L3MBTL4: variants seen among roughly 807,000 people sequenced by gnomAD.
L3MBTL4 encodes lethal(3)malignant brain tumor-like protein 4.
L3MBTL4 carries 70 observed loss-of-function variants against 84.5 expected under a neutral mutation model. The ratio of observed to expected loss-of-function variants is 0.83; its 90% CI spans 0.68 to 1.01. L3MBTL4 has a LOEUF of 1.01. Among genes scored for constraint, L3MBTL4 ranks in the 50% least tolerant of loss-of-function variants. L3MBTL4 has a pLI of 0.00. For missense variants in L3MBTL4, 715 were observed against 754.8 expected (o/e 0.95, Z 0.62); for synonymous variants, 274 against 259.8 (o/e 1.05, Z -0.52).
At chr18:6,109,721 C>A (rs961415205) in intron 14 of L3MBTL4, among the ~76,000 whole-genome samples, 2 of 152,144 alleles carry the variant, frequency 1.3e-5, no homozygotes, top group African/African-American at 2.4e-5. Context: ...CCAGAAGATG[C>A]CAGGAGGCCA....
At chr18:6,205,477 G>T (rs2045833095) in intron 12 of L3MBTL4, among the ~76,000 whole-genome samples, 1 of 152,152 alleles carries the variant, frequency 6.6e-6, no homozygotes. Context: ...TGTTGCATAG[G>T]TATACATGTG....
At position 6,121,685 on chromosome 18, in the gene L3MBTL4, CGTGTGT is replaced by C. The variant is rs762077935; in HGVS notation, c.1199+16503_1199+16508del. Among the ~76,000 whole-genome samples the C allele has an allele frequency of 5.1e-3, 727 of 142,918 alleles. 7 individuals carry two copies. Among genetic ancestry groups the C allele is most frequent in the African/African-American group, 0.017 (648 of 38,528 alleles). The allele number at this position is 142,918 out of a possible 152,430, so 93.8% of individuals were successfully genotyped here. ...ATCATAACAACTAGCATTGTTTCCC[CGTGTGT>C]GTGTGTGTGTGTGTGTGTGTGTGTG... On this transcript the variant is annotated intron_variant, in intron 14 of 18. Transcript: ENST00000317931.
chr18:5,972,571 A>G (rs1209293905), intron 16 of L3MBTL4, among the ~76,000 whole-genome samples: 1 of 152,202 alleles, frequency 6.6e-6, no homozygotes, highest in Non-Finnish European at 1.5e-5. Flanking sequence ...CTGATTCTAA[A>G]TTAACACAAC....
chr18:6,090,555 G>A (rs899040343), intron 15 of L3MBTL4, among the ~76,000 whole-genome samples: 5 of 149,064 alleles, frequency 3.4e-5, no homozygotes, highest in African/African-American at 1.2e-4. Flanking sequence ...CAAGAAGTCT[G>A]GATATATATA....
chr18:5,966,254 A>G (rs879258152), intron 17 of L3MBTL4, among the ~76,000 whole-genome samples: 3 of 152,130 alleles, frequency 2.0e-5, no homozygotes, highest in Non-Finnish European at 4.4e-5. Context: ...AGTGGTGTCT[A>G]TTCTTATTGC....
rs2046301570 is a variant in L3MBTL4 at position 6,215,818 on chromosome 18, T to G, written c.802A>C (p.Asn268His). ...IAPQGYPNPENFSWTEYLEAT... is the reference protein window; with the variant it reads ...IAPQGYPNPEHFSWTEYLEAT... The stretch of plus-strand genomic sequence containing the variant: ...TCCAGGTATTCTGTCCAGGAAAAAT[T>G]TTCTGGATTGGGATAACCTGAAAAT... The change falls in exon 11 of 19, where the codon AAT becomes CAT. Residue 268 changes from asparagine to histidine, a missense_variant. Transcript: ENST00000317931. 6.2e-7 allele frequency: 1 copy of G among 1,600,632 alleles called. No homozygotes were observed. Among genetic ancestry groups the G allele is most frequent in the East Asian group, 2.2e-5 (1 of 44,696 alleles).
At chr18:6,161,813 T>A (rs1176113875) in intron 13 of L3MBTL4, among the ~76,000 whole-genome samples, 1 of 152,142 alleles carries the variant, frequency 6.6e-6, no homozygotes, top group African/African-American at 2.4e-5. Context: ...TAGATTTCAT[T>A]TTTACTCATC....
At chr18:6,161,032 A>C (rs916714312) in intron 13 of L3MBTL4, among the ~76,000 whole-genome samples, 7 of 152,246 alleles carry the variant, frequency 4.6e-5, no homozygotes, top group Non-Finnish European at 8.8e-5. Context: ...TGACCAGAGC[A>C]GGCATGGTTT....
At chr18:6,353,283 A>C (rs2053285399) in intron 1 of L3MBTL4, among the ~76,000 whole-genome samples, 1 of 149,660 alleles carries the variant, frequency 6.7e-6, no homozygotes, top group Admixed American at 6.6e-5. Flanking sequence ...ATGAAAGCAA[A>C]AAAAAAAAAA....
rs113653738 is a variant in L3MBTL4 at position 6,218,809 on chromosome 18, G to A, written c.785-2974C>T. On this transcript the variant is annotated intron_variant, in intron 10 of 18. Coordinates refer to ENST00000317931, the MANE Select transcript of L3MBTL4 (RefSeq NM_001330559.2). ...CTTTCTTCCTTCCGACCCCAGCCCT[G>A]AGTCCTGGTAGACCTTGGGAAGCAA... Among the ~76,000 whole-genome samples, 850 of 152,292 alleles carry A rather than the reference G, an allele frequency of 5.6e-3. 10 individuals are homozygous for A. Among genetic ancestry groups the A allele is most frequent in the African/African-American group, 0.019 (802 of 41,552 alleles).
intron 5 of L3MBTL4, among the ~76,000 whole-genome samples, chr18:6,246,770 G>A (rs1261504552): frequency 6.6e-6 from 1 of 152,134 alleles, no homozygotes; most frequent in East Asian, 1.9e-4. Flanking sequence ...CAGGTGTGAT[G>A]GTGTGTGCCT....
intron 17 of L3MBTL4, among the ~76,000 whole-genome samples, chr18:5,961,390 C>A (rs546237745): frequency 2.1e-4 from 32 of 152,334 alleles, no homozygotes; most frequent in African/African-American, 6.7e-4. Context: ...GGCTGGACAC[C>A]TGTGCCCCCT....
chr18:6,186,803 T>C (rs1461758885), intron 12 of L3MBTL4, among the ~76,000 whole-genome samples: 3 of 152,056 alleles, frequency 2.0e-5, no homozygotes, highest in Non-Finnish European at 2.9e-5. Flanking sequence ...GCTTCCCAAG[T>C]GCTCTAGGCA....
intron 5 of L3MBTL4, among the ~76,000 whole-genome samples, chr18:6,257,645 C>CTTTTTTTTTTTTTTTTT (rs770563046): frequency 1.6e-5 from 2 of 127,498 alleles, no homozygotes; most frequent in East Asian, 4.4e-4. Context: ...TTTTCTTTTT[C>CTTTTTTTTTTTTTTTTT]TTTTTTTTTT....
intron 4 of L3MBTL4, among the ~76,000 whole-genome samples, chr18:6,278,278 C>T (rs1469784245): frequency 1.3e-5 from 2 of 151,938 alleles, no homozygotes; most frequent in Admixed American, 6.6e-5. Flanking sequence ...AGTTGCTTTG[C>T]AAAGAATGGA....
At position 6,342,302 on chromosome 18, in the gene L3MBTL4, A is replaced by G. The variant is rs573779212; in HGVS notation, c.-90-30246T>C. Among the ~76,000 whole-genome samples, 6 of 152,316 alleles carry G rather than the reference A, an allele frequency of 3.9e-5. No individual in the cohort carries two copies. In the South Asian group the frequency reaches 1.2e-3, roughly 32 times the overall value. ...ACTATAAAAGTTAAAAGGCAAAAGTATTAAAAATAACTATAGCTACAAAAT... is the reference window on the plus strand; with the variant it reads ...ACTATAAAAGTTAAAAGGCAAAAGTGTTAAAAATAACTATAGCTACAAAAT... On this transcript the variant is annotated intron_variant, in intron 1 of 18. Coordinates refer to ENST00000317931, the MANE Select transcript of L3MBTL4 (RefSeq NM_001330559.2).
At chr18:6,013,444 A>T (rs116836330) in intron 16 of L3MBTL4, among the ~76,000 whole-genome samples, 2 of 152,170 alleles carry the variant, frequency 1.3e-5, no homozygotes, top group African/African-American at 4.8e-5. Context: ...TCACTTTTCT[A>T]TGATGATGAG....
chr18:5,959,695 AT>A (rs376121840), intron 18 of L3MBTL4, among the ~76,000 whole-genome samples: 1 of 152,066 alleles, frequency 6.6e-6, no homozygotes, highest in Non-Finnish European at 1.5e-5. Flanking sequence ...CTTCCCGCAA[AT>A]GGCTTCAAGC....
intron 4 of L3MBTL4, 127 bp from the exon 5 acceptor site, chr18:6,264,165 A>G: frequency 1.5e-6 from 1 of 662,968 alleles, no homozygotes; most frequent in East Asian, 2.6e-5. Flanking sequence ...CCCAGCAACT[A>G]AGAAGAGTCT....
Sources: gnomAD v4.1 joint callset for allele counts (sites outside exome capture counted in the v4.1 genomes callset) on GRCh38, gnomAD v4.1.1 for gene constraint, MANE v1.5 for transcripts, NCBI Gene and HGNC (gene_info 2026-07-23, HGNC 2026-07-21) for gene names.